Variants in C3orf70 observed in about 807,000 individuals in gnomAD.
The protein encoded by C3orf70 is UPF0524 protein C3orf70.
A neutral mutation model predicts 20.7 loss-of-function variants in C3orf70; 15 were observed. The ratio of observed to expected loss-of-function variants is 0.72; its 90% CI spans 0.48 to 1.11. The LOEUF (loss-of-function observed/expected upper bound fraction) is 1.11. C3orf70 is among the 50% of genes most tolerant of loss of function. C3orf70 has a pLI of 0.00. For missense variants in C3orf70, 332 were observed against 317.6 expected, an observed-to-expected ratio of 1.05 and a Z score of -0.34; for synonymous variants, 161 against 125.7, an observed-to-expected ratio of 1.28 and a Z score of -1.88.
chr3:185,126,587 C>T (rs1362721698), intron 1 of C3orf70, among the ~76,000 whole-genome samples: 1 of 152,200 alleles, frequency 6.6e-6, no homozygotes, highest in Non-Finnish European at 1.5e-5. Flanking sequence ...TCAAAATGGA[C>T]TTCCGACTTC....
chr3:185,084,152 C>T (rs1297178189), intron 1 of C3orf70, among the ~76,000 whole-genome samples: 3 of 150,628 alleles, frequency 2.0e-5, no homozygotes, highest in African/African-American at 7.3e-5. Context: ...CACTGCACTC[C>T]AGCCTGGGCG....
intron 1 of C3orf70, among the ~76,000 whole-genome samples, chr3:185,091,935 A>T (rs867744761): frequency 6.5e-5 from 2 of 30,622 alleles, no homozygotes; most frequent in African/African-American, 1.1e-4. Context: ...ATATATATAT[A>T]TATATATATA....
chr3:185,142,629 T>C (rs1716779853), intron 1 of C3orf70, among the ~76,000 whole-genome samples: 2 of 152,156 alleles, frequency 1.3e-5, no homozygotes, highest in Non-Finnish European at 2.9e-5. Context: ...TTAAAGTTTG[T>C]TAGGGAACAG....
intron 1 of C3orf70, among the ~76,000 whole-genome samples, chr3:185,104,178 T>C (rs1272369572): frequency 1.3e-5 from 2 of 152,190 alleles, no homozygotes. Context: ...AAACTTTCCC[T>C]CCAACCTCAT....
intron 1 of C3orf70, among the ~76,000 whole-genome samples, chr3:185,110,554 CT>C (rs968371228): frequency 7.2e-4 from 110 of 152,088 alleles, no homozygotes; most frequent in African/African-American, 2.6e-3. Context: ...CAGGCCCCCC[CT>C]CAAAATCTGG....
At chr3:185,087,429 T>A (rs1307904635) in intron 1 of C3orf70, among the ~76,000 whole-genome samples, 2 of 152,204 alleles carry the variant, frequency 1.3e-5, no homozygotes, top group Admixed American at 6.5e-5. Context: ...CAAGTGTCCA[T>A]GATGGATGAA....
rs796585535 is a variant in C3orf70 at position 185,082,931 on chromosome 3, T to C, written c.*76A>G. On this transcript the variant is annotated 3_prime_UTR_variant, in exon 2 of 2. Transcript: ENST00000335012. ...GGGTGGGTAGAAAATATCAACAGCA[T>C]TGGAAAAAAGGATCCACCAGACAAA... The C allele has an allele frequency of 3.4e-6, 5 of 1,460,904 alleles. No individual in the cohort carries two copies. In the African/African-American group the frequency reaches 5.6e-5, roughly 16 times the overall value. The allele number at this position is 1,460,904 out of a possible 1,614,324, so 90.5% of individuals were successfully genotyped here. A position where few individuals can be genotyped will look rare whatever the true frequency, so the allele number is the denominator to read the frequency against.
At chr3:185,099,826 T>C (rs188292806) in intron 1 of C3orf70, among the ~76,000 whole-genome samples, 2 of 152,238 alleles carry the variant, frequency 1.3e-5, no homozygotes, top group East Asian at 1.9e-4. Context: ...CCATCTCACA[T>C]GCAATGACAC....
intron 1 of C3orf70, among the ~76,000 whole-genome samples, chr3:185,128,357 G>A (rs1011099016): frequency 2.0e-5 from 3 of 151,972 alleles, no homozygotes; most frequent in Non-Finnish European, 2.9e-5. Context: ...GTGAAACGCC[G>A]CCTCTACTTA....
rs1274285110 is a variant in C3orf70, at chr3:185,082,058, A to G, written c.*949T>C. 6.6e-6 allele frequency: 1 copy of G among 152,182 alleles called. No individual in the cohort carries two copies. The highest frequency in any genetic ancestry group is 1.5e-5 in the Non-Finnish European group (1 of 68,036). 9.4% of individuals were successfully genotyped at this position (152,182 alleles called of 1,614,324 possible). On this transcript the variant is annotated 3_prime_UTR_variant, in exon 2 of 2. Transcript: ENST00000335012. ...GCTGCCACCTAAATGTGATACCTAT[A>G]TAACTTCCTAAGAGTTTTTCCCAGA...
chr3:185,125,529 A>G (rs970729263), intron 1 of C3orf70, among the ~76,000 whole-genome samples: 2 of 152,256 alleles, frequency 1.3e-5, no homozygotes, highest in African/African-American at 4.8e-5. Context: ...GAAGACATAC[A>G]TTCTCACAAA....
At position 185,078,237 on chromosome 3, in the gene C3orf70, G is replaced by A. The variant is rs1715240647; in HGVS notation, c.*4770C>T. 1 of 152,568 alleles carries A rather than the reference G, an allele frequency of 6.6e-6. No homozygotes were observed. Among genetic ancestry groups the A allele is most frequent in the Admixed American group, 6.5e-5 (1 of 15,276 alleles). 9.5% of individuals were successfully genotyped at this position (152,568 alleles called of 1,614,324 possible). ...AAAAATAGCAGAGTAAGTGAATATT[G>A]CCAGGTATGAACAGCCTTAAAAAGT... On this transcript the variant is annotated 3_prime_UTR_variant, in exon 2 of 2. Coordinates refer to ENST00000335012, the MANE Select transcript of C3orf70 (RefSeq NM_001025266.3).
At chr3:185,087,664 G>C (rs78256289) in intron 1 of C3orf70, among the ~76,000 whole-genome samples, 1,623 of 152,274 alleles carry the variant, frequency 0.011, 15 homozygotes, top group Non-Finnish European at 0.017. Context: ...GGGCATACGG[G>C]GGGATGGGGA....
At chr3:185,101,272 A>G (rs997202873) in intron 1 of C3orf70, among the ~76,000 whole-genome samples, 8 of 152,242 alleles carry the variant, frequency 5.3e-5, no homozygotes, top group African/African-American at 1.7e-4. Context: ...CATCAATGCA[A>G]AAATCCTCAA....
chr3:185,105,328 C>T (rs4687039), intron 1 of C3orf70, among the ~76,000 whole-genome samples: 115,400 of 152,172 alleles, frequency 0.76, 44,175 homozygotes, highest in African/African-American at 0.83. Context: ...GTTGTGGGTT[C>T]ACGGGAATGA....
intron 1 of C3orf70, among the ~76,000 whole-genome samples, chr3:185,138,994 T>C (rs545758175): frequency 6.6e-6 from 1 of 152,026 alleles, no homozygotes; most frequent in South Asian, 2.1e-4. Context: ...TCCAGCTACT[T>C]GAGTGGCTGA....
At chr3:185,114,232 C>A (rs1463310075) in intron 1 of C3orf70, among the ~76,000 whole-genome samples, 1 of 150,404 alleles carries the variant, frequency 6.6e-6, no homozygotes, top group Non-Finnish European at 1.5e-5. Flanking sequence ...ACCAAATGAA[C>A]ACAAAAATAA....
intron 1 of C3orf70, among the ~76,000 whole-genome samples, chr3:185,120,958 G>A (rs1052721456): frequency 2.6e-5 from 4 of 152,022 alleles, no homozygotes; most frequent in South Asian, 4.1e-4. Context: ...ATTCACAATC[G>A]CAAAAATATG....
rs570331018 is a variant in C3orf70 at position 185,107,397 on chromosome 3, C to T, written c.197-23834G>A. On this transcript the variant is annotated intron_variant, in intron 1 of 1. Coordinates refer to ENST00000335012, the MANE Select transcript of C3orf70 (RefSeq NM_001025266.3). Reference sequence around the variant, plus strand: ...ACAATTATATAGCCCTCAAAGGCAACATATGATGCGTGAAATGGGGTATGT... The same window carrying T: ...ACAATTATATAGCCCTCAAAGGCAATATATGATGCGTGAAATGGGGTATGT... 5.9e-5 allele frequency among the ~76,000 whole-genome samples: 9 copies of T among 152,214 alleles called. No homozygotes were observed. The South Asian group carries it at 8.3e-4, about 14-fold the overall frequency.
Sources: gnomAD v4.1 joint callset for allele counts (sites outside exome capture counted in the v4.1 genomes callset) on GRCh38, gnomAD v4.1.1 for gene constraint, MANE v1.5 for transcripts, NCBI Gene and HGNC (gene_info 2026-07-23, HGNC 2026-07-21) for gene names.